GNB5: variants seen among roughly 807,000 people sequenced by gnomAD.
GNB5 encodes G protein subunit beta 5.
Under a neutral mutation model 55.3 loss-of-function variants are expected in GNB5, and 37 were observed. The ratio of observed to expected loss-of-function variants is 0.67; its 90% CI spans 0.51 to 0.88. The LOEUF (loss-of-function observed/expected upper bound fraction) is 0.88, where lower values mean the gene tolerates loss of function less well. Ranked by LOEUF, GNB5 falls within the 40% of genes least tolerant of loss-of-function variation. GNB5 has a pLI of 0.00. For missense variants in GNB5, 476 were observed against 515.3 expected (o/e 0.92, Z 0.74); for synonymous variants, 219 against 198.5 (o/e 1.10, Z -0.87).
intron 7 of GNB5, chr15:52,140,137 A>C: frequency 3.7e-6 from 1 of 268,666 alleles, no homozygotes; most frequent in Non-Finnish European, 6.7e-6. Context: ...GCAATTGAAC[A>C]ATTACCCAGC....
chr15:52,187,489 AC>A (rs2034862287), intron 1 of GNB5, among the ~76,000 whole-genome samples: 1 of 152,132 alleles, frequency 6.6e-6, no homozygotes, highest in Admixed American at 6.5e-5. Flanking sequence ...AACCTATGGC[AC>A]CAAGTGGAGG....
At chr15:52,160,708 A>AT (rs2034314829) in intron 3 of GNB5, among the ~76,000 whole-genome samples, 1 of 152,176 alleles carries the variant, frequency 6.6e-6, no homozygotes, top group Non-Finnish European at 1.5e-5. Context: ...TCCTCCACAT[A>AT]TGTGCACACA....
rs189053287 is a variant in GNB5, at chr15:52,128,013, G to A, written c.912+183C>T. ...TGTTTGTTAAAAAGAAAAAAAGACAGAAAGGAATTCATCCAACTATGATTT... is the reference window on the plus strand; with the variant it reads ...TGTTTGTTAAAAAGAAAAAAAGACAAAAAGGAATTCATCCAACTATGATTT... On this transcript the variant is annotated intron_variant, in intron 10 of 12. Transcript: ENST00000261837. 1.4e-4 allele frequency among the ~76,000 whole-genome samples: 22 copies of A among 152,268 alleles called. No individual in the cohort carries two copies. The East Asian group carries it at 4.2e-3, about 29-fold the overall frequency.
chr15:52,174,098 G>T (rs1004943271), intron 3 of GNB5, among the ~76,000 whole-genome samples: 1 of 152,188 alleles, frequency 6.6e-6, no homozygotes, highest in African/African-American at 2.4e-5. Context: ...GAGTCAGAGA[G>T]AGAGGTGACC....
intron 9 of GNB5, among the ~76,000 whole-genome samples, chr15:52,129,429 G>A (rs1357329468): frequency 6.6e-6 from 1 of 152,200 alleles, no homozygotes; most frequent in African/African-American, 2.4e-5. Flanking sequence ...TGGCCTGAAA[G>A]ACGGGGATGG....
chr15:52,136,147 CA>C lies in GNB5; in HGVS notation c.628-392del, dbSNP rs1388260594. On this transcript the variant is annotated intron_variant, in intron 7 of 12. Coordinates refer to ENST00000261837, the MANE Select transcript of GNB5 (RefSeq NM_016194.4). Reference sequence around the variant, plus strand: ...ACACACACACACACACACACACACACACACACACACACACACACACACACAC... The same window carrying C: ...ACACACACACACACACACACACACACCACACACACACACACACACACACAC... 2.8e-3 allele frequency among the ~76,000 whole-genome samples: 379 copies of C among 136,880 alleles called. 7 individuals carry two copies. The highest frequency in any genetic ancestry group is 0.012 in the Admixed American group (162 of 14,038). The allele number at this position is 136,880 out of a possible 152,430, so 89.8% of individuals were successfully genotyped here.
chr15:52,177,019 T>A lies in GNB5; in HGVS notation c.238+2749A>T, dbSNP rs574894327. Among the ~76,000 whole-genome samples the A allele has an allele frequency of 1.2e-4, 17 of 143,874 alleles. No homozygotes were observed. In the South Asian group the frequency reaches 3.3e-3, roughly 28 times the overall value. The allele number at this position is 143,874 out of a possible 152,430, so 94.4% of individuals were successfully genotyped here. On this transcript the variant is annotated intron_variant, in intron 3 of 12. Transcript: ENST00000261837. ...CACACCCCCTCCTGGGGCCTCTGCC[T>A]AGCTCCTCCTTTTTTTTTTTTTTTT...
chr15:52,154,142 A>C, intron 3 of GNB5, 66 bp from the exon 4 acceptor site: 1 of 1,510,518 alleles, frequency 6.6e-7, no homozygotes, highest in South Asian at 1.2e-5. Context: ...GGGCTGACAC[A>C]GCACAGACAT....
At chr15:52,124,927 G>A (rs1566931451) in intron 11 of GNB5, 1 of 250,170 alleles carries the variant, frequency 4.0e-6, no homozygotes, top group Non-Finnish European at 7.6e-6. Context: ...GGATTAAGGA[G>A]GGCACTGCAG....
intron 3 of GNB5, among the ~76,000 whole-genome samples, chr15:52,161,078 G>A (rs1331713615): frequency 6.6e-6 from 1 of 152,166 alleles, no homozygotes; most frequent in Non-Finnish European, 1.5e-5. Flanking sequence ...AACAGCCTGA[G>A]GACAAAGGCT....
At chr15:52,161,927 C>G (rs2034344498) in intron 3 of GNB5, among the ~76,000 whole-genome samples, 1 of 152,178 alleles carries the variant, frequency 6.6e-6, no homozygotes, top group African/African-American at 2.4e-5. Context: ...GGCTCATGGA[C>G]AAAATCTTAC....
At chr15:52,152,878 G>C (rs1346427723) in intron 4 of GNB5, among the ~76,000 whole-genome samples, 1 of 152,152 alleles carries the variant, frequency 6.6e-6, no homozygotes, top group Admixed American at 6.5e-5. Context: ...TCCTGCCTTG[G>C]CCTCCCAAAG....
chr15:52,169,185 T>C (rs1368865502), intron 3 of GNB5, among the ~76,000 whole-genome samples: 3 of 146,300 alleles, frequency 2.1e-5, no homozygotes, highest in African/African-American at 5.1e-5. Context: ...TTAGGTGTGG[T>C]GGCGTATGCT....
At chr15:52,173,755 A>G (rs1468163344) in intron 3 of GNB5, among the ~76,000 whole-genome samples, 1 of 152,110 alleles carries the variant, frequency 6.6e-6, no homozygotes, top group Non-Finnish European at 1.5e-5. Flanking sequence ...ACAAAATCTT[A>G]GGGAAATCCC....
intron 1 of GNB5, among the ~76,000 whole-genome samples, chr15:52,188,202 C>T (rs74015623): frequency 0.019 from 2,901 of 152,188 alleles, 83 homozygotes; most frequent in African/African-American, 0.067. Flanking sequence ...CATTTTTTAA[C>T]GGAGACTCCA....
At chr15:52,141,024 C>T in intron 7 of GNB5, 116 bp downstream of exon 7, 1 of 776,810 alleles carries the variant, frequency 1.3e-6, no homozygotes, top group Non-Finnish European at 2.2e-6. Context: ...CCTCTTAGAG[C>T]AAACTACTGG....
At chr15:52,172,559 C>T (rs755205712) in intron 3 of GNB5, among the ~76,000 whole-genome samples, 2 of 151,952 alleles carry the variant, frequency 1.3e-5, no homozygotes, top group Non-Finnish European at 2.9e-5. Flanking sequence ...GTAGGTGGAT[C>T]GCTTGAGCCC....
Position 52,147,443 on chromosome 15 carries a change from T to G in GNB5, c.494+16A>C, listed in dbSNP as rs2034000073. 6.8e-7 allele frequency: 1 copy of G among 1,468,054 alleles called. No homozygotes were observed. Among genetic ancestry groups the G allele is most frequent in the African/African-American group, 1.4e-5 (1 of 72,124 alleles). 90.9% of individuals were successfully genotyped at this position (1,468,054 alleles called of 1,614,324 possible). Reference sequence around the variant, plus strand: ...GTTAACACAAATTCTGAAAAGCTGCTGTAGCTCCAACTTACCCACAAGCAA... The same window carrying G: ...GTTAACACAAATTCTGAAAAGCTGCGGTAGCTCCAACTTACCCACAAGCAA... On this transcript the variant is annotated intron_variant, in intron 6 of 12. Coordinates refer to ENST00000261837, the MANE Select transcript of GNB5 (RefSeq NM_016194.4).
At chr15:52,132,494 T>TC (rs906140367) in intron 9 of GNB5, among the ~76,000 whole-genome samples, 1 of 151,428 alleles carries the variant, frequency 6.6e-6, no homozygotes, top group Non-Finnish European at 1.5e-5. Context: ...TTGGGTTTTT[T>TC]TTTTTTTTTT....
Sources: gnomAD v4.1 joint callset for allele counts (sites outside exome capture counted in the v4.1 genomes callset) on GRCh38, gnomAD v4.1.1 for gene constraint, MANE v1.5 for transcripts, NCBI Gene and HGNC (gene_info 2026-07-23, HGNC 2026-07-21) for gene names.